Variants in TMPRSS11D observed in about 807,000 individuals in gnomAD.
TMPRSS11D encodes transmembrane protease serine 11D.
In TMPRSS11D, 32 loss-of-function variants were observed where a neutral mutation model predicts 44.4. That is an observed-to-expected ratio of 0.72 (90% CI 0.54 to 0.97). The LOEUF is 0.97. Among genes scored for constraint, TMPRSS11D ranks in the 50% least tolerant of loss-of-function variants. The pLI is 0.00. For missense variants in TMPRSS11D, 446 were observed against 502.6 expected, an observed-to-expected ratio of 0.89 and a Z score of 1.08; for synonymous variants, 179 against 177.9, an observed-to-expected ratio of 1.01 and a Z score of -0.05.
chr4:67,850,218 G>A (rs1260987628), intron 3 of TMPRSS11D, among the ~76,000 whole-genome samples: 1 of 152,138 alleles, frequency 6.6e-6, no homozygotes, highest in East Asian at 1.9e-4. Flanking sequence ...TACATCAACT[G>A]CACTATTTAA....
At chr4:67,867,218 A>T (rs1490344104) in intron 1 of TMPRSS11D, among the ~76,000 whole-genome samples, 2 of 152,116 alleles carry the variant, frequency 1.3e-5, no homozygotes, top group African/African-American at 4.8e-5. Context: ...GTCGACAAAA[A>T]CATACACTGG....
At position 67,821,080 on chromosome 4, in the gene TMPRSS11D, T is replaced by C. The variant is rs991553856; in HGVS notation, c.*1257A>G. 1 of 152,248 alleles carries C rather than the reference T, an allele frequency of 6.6e-6. No individual in the cohort carries two copies. Among genetic ancestry groups the C allele is most frequent in the Non-Finnish European group, 1.5e-5 (1 of 68,054 alleles). The allele number at this position is 152,248 out of a possible 1,614,324, so 9.4% of individuals were successfully genotyped here. On this transcript the variant is annotated 3_prime_UTR_variant, in exon 10 of 10. Coordinates refer to ENST00000283916, the MANE Select transcript of TMPRSS11D (RefSeq NM_004262.3). ...TGATGCCCAGATGCAGGGAGTTAGC[T>C]TGTAGAAGGAGGAAGCTCTGACGCA...
intron 7 of TMPRSS11D, among the ~76,000 whole-genome samples, chr4:67,832,892 GA>G (rs1368889964): frequency 4.6e-5 from 7 of 151,152 alleles, no homozygotes; most frequent in Non-Finnish European, 7.4e-5. Context: ...CCTTAATTTG[GA>G]AAAAAAATAA....
In TMPRSS11D at chr4:67,825,117, G is replaced by A. The variant is rs913765807; in HGVS notation, c.1095+615C>T. ...TTTTCATTCATACTGTTTCATTATTGTAGGAGCTTTTGTGACTCAAATTAC... is the reference window on the plus strand; with the variant it reads ...TTTTCATTCATACTGTTTCATTATTATAGGAGCTTTTGTGACTCAAATTAC... On this transcript the variant is annotated intron_variant, in intron 9 of 9. Transcript: ENST00000283916. Among the ~76,000 whole-genome samples the A allele has an allele frequency of 2.6e-5, 4 of 151,938 alleles. No individual in the cohort carries two copies. The East Asian group carries it at 5.8e-4, about 22-fold the overall frequency.
chr4:67,853,715 C>T lies in TMPRSS11D; in HGVS notation c.249+353G>A, dbSNP rs561575032. Among the ~76,000 whole-genome samples, 16 of 152,154 alleles carry T rather than the reference C, an allele frequency of 1.1e-4. 1 individual carries two copies. In the East Asian group the frequency reaches 2.1e-3, roughly 20 times the overall value. ...CTGTTTTTTAACACCTCCTGCTTTG[C>T]GTCTTTAGTTGGATAAGGAAGAGGG... On this transcript the variant is annotated intron_variant, in intron 3 of 9. Transcript: ENST00000283916.
chr4:67,839,611 G>C (rs1014285157), intron 4 of TMPRSS11D, among the ~76,000 whole-genome samples: 1 of 151,886 alleles, frequency 6.6e-6, no homozygotes, highest in Non-Finnish European at 1.5e-5. Flanking sequence ...AAAAGGCCAG[G>C]AGTCTCAAAG....
At chr4:67,860,799 T>C (rs1318499369) in intron 1 of TMPRSS11D, among the ~76,000 whole-genome samples, 1 of 152,152 alleles carries the variant, frequency 6.6e-6, no homozygotes, top group Admixed American at 6.6e-5. Flanking sequence ...CATTCTGGTA[T>C]AAGTGAGAAG....
chr4:67,827,813 C>T (rs1175723341), intron 7 of TMPRSS11D, among the ~76,000 whole-genome samples: 4 of 152,060 alleles, frequency 2.6e-5, no homozygotes, highest in Non-Finnish European at 5.9e-5. Flanking sequence ...TAGCATAACA[C>T]AAATATCTTT....
At chr4:67,866,500 C>T (rs1235103649) in intron 1 of TMPRSS11D, among the ~76,000 whole-genome samples, 2 of 151,740 alleles carry the variant, frequency 1.3e-5, no homozygotes, top group Non-Finnish European at 2.9e-5. Flanking sequence ...AAAGAGCTAT[C>T]AGGCAAGAGA....
chr4:67,878,893 T>A (rs1025559224), intron 1 of TMPRSS11D, among the ~76,000 whole-genome samples: 4 of 152,162 alleles, frequency 2.6e-5, no homozygotes, highest in African/African-American at 9.7e-5. Context: ...ACCACTGCAC[T>A]CCAGCCTTGG....
Position 67,859,692 on chromosome 4 carries a change from G to A in TMPRSS11D, c.9-14C>T. The A allele has an allele frequency of 6.2e-7, 1 of 1,611,426 alleles. No homozygotes were observed. Among genetic ancestry groups the A allele is most frequent in the Non-Finnish European group, 8.5e-7 (1 of 1,178,284 alleles). ...ACACGTGCTGGCCTTACAAGAGAGA[G>A]AGATCAAAGAAAGTCATTCATTTCA... On this transcript the variant is annotated splice_polypyrimidine_tract_variant and intron_variant, in intron 1 of 9. Transcript: ENST00000283916.
At chr4:67,850,712 G>A (rs1053636442) in intron 3 of TMPRSS11D, among the ~76,000 whole-genome samples, 1 of 152,214 alleles carries the variant, frequency 6.6e-6, no homozygotes, top group Admixed American at 6.5e-5. Context: ...GCCTCCAACG[G>A]GAGCTGTGCA....
At chr4:67,870,702 T>C (rs1206150612) in intron 1 of TMPRSS11D, among the ~76,000 whole-genome samples, 2 of 149,764 alleles carry the variant, frequency 1.3e-5, no homozygotes, top group Non-Finnish European at 3.0e-5. Context: ...TAGTCCCAGC[T>C]ACTCAGGAGG....
At chr4:67,866,202 T>A (rs962033829) in intron 1 of TMPRSS11D, among the ~76,000 whole-genome samples, 1 of 151,964 alleles carries the variant, frequency 6.6e-6, no homozygotes, top group African/African-American at 2.4e-5. Flanking sequence ...CATACACAAA[T>A]TGATAAATGT....
At chr4:67,847,772 A>G (rs1055237630) in intron 3 of TMPRSS11D, among the ~76,000 whole-genome samples, 1 of 152,228 alleles carries the variant, frequency 6.6e-6, no homozygotes, top group African/African-American at 2.4e-5. Context: ...AAAGTAATTT[A>G]GAGAAAAAAT....
chr4:67,825,668 A>C (rs887913766), intron 9 of TMPRSS11D, 64 bp downstream of exon 9: 78 of 1,552,216 alleles, frequency 5.0e-5, no homozygotes, highest in Non-Finnish European at 7.0e-6. Context: ...TCACATTATC[A>C]CATACTAGGA....
At chr4:67,853,438 T>C (rs1207225794) in intron 3 of TMPRSS11D, among the ~76,000 whole-genome samples, 1 of 152,228 alleles carries the variant, frequency 6.6e-6, no homozygotes, top group African/African-American at 2.4e-5. Context: ...CTTTATATTC[T>C]TAGGACTTTT....
intron 1 of TMPRSS11D, among the ~76,000 whole-genome samples, chr4:67,880,465 C>T (rs934115802): frequency 1.3e-5 from 2 of 151,710 alleles, no homozygotes; most frequent in South Asian, 2.1e-4. Context: ...GATAGTATGG[C>T]GTGTCTTTAT....
intron 3 of TMPRSS11D, among the ~76,000 whole-genome samples, chr4:67,844,680 G>A (rs904741449): frequency 6.6e-6 from 1 of 152,010 alleles, no homozygotes; most frequent in African/African-American, 2.4e-5. Context: ...TTAAGAGGCT[G>A]GGGCAGGAGA....
Sources: gnomAD v4.1 joint callset for allele counts (sites outside exome capture counted in the v4.1 genomes callset) on GRCh38, gnomAD v4.1.1 for gene constraint, MANE v1.5 for transcripts, NCBI Gene and HGNC (gene_info 2026-07-23, HGNC 2026-07-21) for gene names.